Variants in MYCBP2 observed in about 807,000 individuals in gnomAD.
MYCBP2 encodes the protein E3 ubiquitin-protein ligase MYCBP2.
MYCBP2 carries 120 observed loss-of-function variants against 525.3 expected under a neutral mutation model. The observed-to-expected ratio is 0.23, with a 90% CI of 0.20 to 0.27. The LOEUF is 0.27. Among genes scored for constraint, MYCBP2 ranks in the 10% least tolerant of loss-of-function variants. MYCBP2 has a pLI of 1.00. For missense variants in MYCBP2, 4,149 were observed against 5,657.1 expected (o/e 0.73, Z 8.55); for synonymous variants, 1,894 against 1,955.8 (o/e 0.97, Z 0.83).
At chr13:77,110,496 T>C (rs1241146934) in intron 55 of MYCBP2, among the ~76,000 whole-genome samples, 1 of 152,202 alleles carries the variant, frequency 6.6e-6, no homozygotes, top group African/African-American at 2.4e-5. Context: ...ATTTTAATTT[T>C]GCCCTCTGCC....
In MYCBP2 at chr13:77,095,477, C is replaced by T. The variant is rs374649668; in HGVS notation, c.10080G>A (p.Pro3360=). The T allele has an allele frequency of 9.9e-6, 16 of 1,613,394 alleles. No individual in the cohort carries two copies. Among genetic ancestry groups the T allele is most frequent in the Admixed American group, 5.0e-5 (3 of 59,886 alleles). Residue 3360 remains proline, a synonymous_variant, in exon 58 of 83, where the codon CCG becomes CCA. Transcript: ENST00000544440. The part of the protein sequence containing the change: ...FLLSLSSAAE[P]SILCYHPAKP... ...TTGCAGGATGGTAACACAGAATGCT[C>T]GGTTCTGCTGCACTGCTCAGGGACA...
chr13:77,057,149 G>A (rs1301752323), intron 78 of MYCBP2, 56 bp from the exon 79 acceptor site: 3 of 1,230,282 alleles, frequency 2.4e-6, no homozygotes, highest in African/African-American at 3.0e-5. Flanking sequence ...AAACAGTTGA[G>A]TGACTGGGAG....
At chr13:77,154,321 G>A (rs1316274031) in intron 46 of MYCBP2, among the ~76,000 whole-genome samples, 2 of 151,334 alleles carry the variant, frequency 1.3e-5, no homozygotes, top group East Asian at 3.9e-4. Flanking sequence ...AGGAAAGATA[G>A]TAGGAGAAGC....
rs1677853932 is a variant in MYCBP2 at position 77,084,708 on chromosome 13, C to A, written c.10876-1516G>T. Among the ~76,000 whole-genome samples the A allele has an allele frequency of 2.0e-5, 3 of 152,248 alleles. No homozygotes were observed. In the South Asian group the frequency reaches 6.2e-4, roughly 32 times the overall value. On this transcript the variant is annotated intron_variant, in intron 62 of 82. Transcript: ENST00000544440. ...TGGACTAAAACTTCAGAACCCAGCT[C>A]TGAAGCTAAGAATCTGTTCAGTTCT... is the stretch of plus-strand genomic sequence containing the variant.
chr13:77,091,223 A>C (rs2045363965), intron 59 of MYCBP2, among the ~76,000 whole-genome samples: 1 of 152,112 alleles, frequency 6.6e-6, no homozygotes, highest in Non-Finnish European at 1.5e-5. Flanking sequence ...TAGACTATAA[A>C]TACTGTACAT....
intron 66 of MYCBP2, 21 bp from the exon 67 acceptor site, chr13:77,077,408 C>T: frequency 6.2e-7 from 1 of 1,612,638 alleles, no homozygotes. Context: ...AGAAAAGAGG[C>T]AGGAACCTGA....
intron 2 of MYCBP2, among the ~76,000 whole-genome samples, chr13:77,289,879 T>A (rs1446017667): frequency 6.6e-6 from 1 of 152,050 alleles, no homozygotes; most frequent in Non-Finnish European, 1.5e-5. Context: ...GAGTAGTATA[T>A]CCACATACTA....
Position 77,174,385 on chromosome 13 carries a change from T to C in MYCBP2, c.5577A>G (p.Thr1859=), listed in dbSNP as rs529975957. ...TVQCPDGVTF[T]FSTCSLSSNG... ...TACTGCTCAAGCTGCACGTGCTGAA[T>C]GTGAATGTCACACCATCAGGGCACT... is the stretch of plus-strand genomic sequence containing the variant. Residue 1859 remains threonine (T), a synonymous_variant, in exon 37 of 83, where the codon ACA becomes ACG. Coordinates refer to ENST00000544440, the MANE Select transcript of MYCBP2 (RefSeq NM_015057.5). 1 of 1,614,206 alleles carries C rather than the reference T, an allele frequency of 6.2e-7. No homozygotes were observed. Among genetic ancestry groups the C allele is most frequent in the African/African-American group, 1.3e-5 (1 of 75,068 alleles).
intron 19 of MYCBP2, 75 bp from the exon 20 acceptor site, chr13:77,224,607 G>C (rs1335595375): frequency 2.3e-6 from 2 of 881,046 alleles, no homozygotes; most frequent in Non-Finnish European, 3.6e-6. Flanking sequence ...ACTAAAAGCA[G>C]TGTAATTTTC....
chr13:77,311,574 T>G (rs1463024874), intron 1 of MYCBP2, among the ~76,000 whole-genome samples: 5 of 150,802 alleles, frequency 3.3e-5, no homozygotes, highest in African/African-American at 7.3e-5. Flanking sequence ...TGTTTTTTTT[T>G]TTTTGTTTTT....
intron 14 of MYCBP2, among the ~76,000 whole-genome samples, chr13:77,251,831 T>C (rs1250615224): frequency 1.3e-5 from 2 of 152,202 alleles, no homozygotes; most frequent in African/African-American, 2.4e-5. Context: ...CAAGAGGCAG[T>C]AGGCACAAGA....
chr13:77,243,043 T>C lies in MYCBP2; in HGVS notation c.2629+16A>G. On this transcript the variant is annotated intron_variant, in intron 17 of 82. Transcript: ENST00000544440. ...AGTGGATTTTCATGTACTTTTTCTC[T>C]GTAGCTACATCTTACCTCTTCCTTC... The C allele has an allele frequency of 3.1e-6, 5 of 1,609,590 alleles. No individual in the cohort carries two copies. The highest frequency in any genetic ancestry group is 4.3e-6 in the Non-Finnish European group (5 of 1,175,890).
chr13:77,117,218 ATT>A (rs1432528506), intron 55 of MYCBP2, among the ~76,000 whole-genome samples: 1 of 152,024 alleles, frequency 6.6e-6, no homozygotes, highest in African/African-American at 2.4e-5. Flanking sequence ...ATGTGACACT[ATT>A]TTGTTTCTTT....
chr13:77,070,306 C>T (rs756091711), intron 69 of MYCBP2, among the ~76,000 whole-genome samples: 30 of 152,132 alleles, frequency 2.0e-4, no homozygotes, highest in Admixed American at 2.6e-4. Context: ...TACTTTATAC[C>T]AAGCTCATCC....
At chr13:77,055,882 T>C in intron 79 of MYCBP2, 115 bp from the exon 80 acceptor site, 1 of 670,482 alleles carries the variant, frequency 1.5e-6, no homozygotes, top group Non-Finnish European at 2.5e-6. Context: ...ACAGCACACA[T>C]ATTCTAAATA....
intron 1 of MYCBP2, among the ~76,000 whole-genome samples, chr13:77,307,989 G>A (rs991819731): frequency 1.4e-4 from 22 of 151,988 alleles, no homozygotes; most frequent in Non-Finnish European, 2.1e-4. Context: ...ATCTGCTCAT[G>A]TTCTATATTC....
chr13:77,172,147 T>C (rs944116319), intron 37 of MYCBP2, among the ~76,000 whole-genome samples: 12 of 151,766 alleles, frequency 7.9e-5, no homozygotes, highest in Non-Finnish European at 1.5e-4. Context: ...GATCCACCCA[T>C]CTTGGACTCC....
chr13:77,056,104 G>GTGTGTA (rs1555291161), intron 79 of MYCBP2, among the ~76,000 whole-genome samples: 1 of 69,628 alleles, frequency 1.4e-5, no homozygotes, highest in Non-Finnish European at 3.2e-5. Flanking sequence ...TGTTTGGTGT[G>GTGTGTA]TGTGTGTGTG....
At chr13:77,051,307 C>G in intron 81 of MYCBP2, 145 bp from the exon 82 acceptor site, 2 of 670,264 alleles carry the variant, frequency 3.0e-6, no homozygotes, top group East Asian at 3.0e-5. Flanking sequence ...ACTGATGATA[C>G]ACATGTTTGA....
Sources: allele counts gnomAD v4.1 joint callset (sites outside exome capture counted in the v4.1 genomes callset), GRCh38; gene constraint gnomAD v4.1.1; transcripts MANE v1.5; gene names NCBI Gene and HGNC (gene_info 2026-07-23, HGNC 2026-07-21).